ROBO2: variants seen among roughly 807,000 people sequenced by gnomAD.
ROBO2 encodes roundabout guidance receptor 2.
A neutral mutation model predicts 160.8 loss-of-function variants in ROBO2; 53 were observed. The observed-to-expected ratio is 0.33, with a 90% CI of 0.26 to 0.41. The LOEUF (loss-of-function observed/expected upper bound fraction) is 0.41, where lower values mean the gene tolerates loss of function less well. Among genes scored for constraint, ROBO2 ranks in the 10% least tolerant of loss-of-function variants. The pLI, the probability that ROBO2 is intolerant of heterozygous loss-of-function variation, is 1.00. For synonymous variants in ROBO2, 664 were observed against 611.7 expected (o/e 1.09, Z -1.26); for missense variants, 1,577 against 1,722.4 (o/e 0.92, Z 1.49).
At chr3:76,027,968 C>A (rs187764157) in intron 2 of ROBO2, among the ~76,000 whole-genome samples, 1 of 151,864 alleles carries the variant, frequency 6.6e-6, no homozygotes, top group Admixed American at 6.6e-5. Context: ...TCAATCAAAG[C>A]CAAGGAGCCA....
intron 2 of ROBO2, among the ~76,000 whole-genome samples, chr3:76,414,871 ACAAGCTTGGCACAATTT>A (rs1210765447): frequency 6.6e-6 from 1 of 152,124 alleles, no homozygotes; most frequent in East Asian, 1.9e-4. Flanking sequence ...TGATTGACAC[ACAAGCTTGGCACAATTT>A]CACTGTCTCT....
chr3:77,121,131 GA>G (rs1171727845), intron 2 of ROBO2, among the ~76,000 whole-genome samples: 7 of 151,900 alleles, frequency 4.6e-5, no homozygotes, highest in Admixed American at 4.6e-4. Flanking sequence ...TTTTAGTAGA[GA>G]CGGGGTTTCA....
At chr3:77,087,597 T>C (rs1020963272) in intron 1 of ROBO2, among the ~76,000 whole-genome samples, 4 of 152,222 alleles carry the variant, frequency 2.6e-5, no homozygotes, top group African/African-American at 9.6e-5. Context: ...GAGTAATTTG[T>C]TATTAAGAGG....
intron 2 of ROBO2, among the ~76,000 whole-genome samples, chr3:77,001,285 G>C (rs1173606509): frequency 6.6e-6 from 1 of 152,096 alleles, no homozygotes; most frequent in Non-Finnish European, 1.5e-5. Context: ...CAGAGTTTTG[G>C]CTGCAAAACC....
chr3:75,916,574 T>TTA lies in ROBO2; in HGVS notation c.-14+9617_-14+9618dup, dbSNP rs1290551233. ...ATTTTTGATAAGTGTACACATATAT[T>TTA]TATAACTGACCTTTCTTTGTCAAGT... is the stretch of plus-strand genomic sequence containing the variant. On this transcript the variant is annotated intron_variant, in intron 1 of 26. Transcript: ENST00000487694. Among the ~76,000 whole-genome samples, 10 of 152,280 alleles carry TTA rather than the reference T, an allele frequency of 6.6e-5. No homozygotes were observed. In the East Asian group the frequency reaches 1.9e-3, roughly 29 times the overall value.
intron 2 of ROBO2, among the ~76,000 whole-genome samples, chr3:76,223,487 C>T (rs923526497): frequency 1.3e-5 from 2 of 152,024 alleles, no homozygotes; most frequent in East Asian, 2.0e-4. Flanking sequence ...CTTCCACTGG[C>T]GAAGAAGACT....
intron 2 of ROBO2, among the ~76,000 whole-genome samples, chr3:76,478,818 GCCT>G (rs2079068874): frequency 6.6e-6 from 1 of 151,680 alleles, no homozygotes; most frequent in East Asian, 1.9e-4. Flanking sequence ...GGGACTACAG[GCCT>G]GTCACCTCAT....
At chr3:77,299,818 C>T (rs2153410854) in intron 2 of ROBO2, among the ~76,000 whole-genome samples, 1 of 151,980 alleles carries the variant, frequency 6.6e-6, no homozygotes, top group East Asian at 1.9e-4. Context: ...CAGAGAGGGA[C>T]GATAGAGTGG....
chr3:77,384,183 C>G (rs2073861559), intron 2 of ROBO2, among the ~76,000 whole-genome samples: 1 of 152,050 alleles, frequency 6.6e-6, no homozygotes, highest in Non-Finnish European at 1.5e-5. Context: ...TCAATTATTT[C>G]CCAGAATGCT....
intron 2 of ROBO2, among the ~76,000 whole-genome samples, chr3:76,096,886 A>G (rs2069473674): frequency 6.6e-6 from 1 of 152,202 alleles, no homozygotes; most frequent in East Asian, 1.9e-4. Flanking sequence ...TGTAATGCTT[A>G]TAGTCTAGTG....
intron 2 of ROBO2, among the ~76,000 whole-genome samples, chr3:77,454,423 C>T (rs11127596): frequency 0.2 from 29,851 of 151,958 alleles, 3,694 homozygotes; most frequent in Middle Eastern, 0.28. Flanking sequence ...CATTTGCAAT[C>T]AAAACTCTCT....
chr3:76,573,028 G>T (rs1560172136), intron 2 of ROBO2, among the ~76,000 whole-genome samples: 1 of 152,076 alleles, frequency 6.6e-6, no homozygotes, highest in East Asian at 1.9e-4. Context: ...AACAAAAAAT[G>T]TTGGTTTTTG....
chr3:76,123,783 C>T (rs970804086), intron 2 of ROBO2, among the ~76,000 whole-genome samples: 5 of 152,074 alleles, frequency 3.3e-5, no homozygotes, highest in African/African-American at 9.7e-5. Flanking sequence ...GTATTAGCTT[C>T]GTCTTACACC....
At chr3:77,144,071 T>C (rs1163606763) in intron 2 of ROBO2, among the ~76,000 whole-genome samples, 2 of 152,186 alleles carry the variant, frequency 1.3e-5, no homozygotes, top group Non-Finnish European at 1.5e-5. Flanking sequence ...TTAGACAACC[T>C]TTCCTTTTGT....
At position 76,206,508 on chromosome 3, in the gene ROBO2, C is replaced by G. The variant is rs143754843; in HGVS notation, c.109+268906C>G. Among the ~76,000 whole-genome samples, 421 of 152,002 alleles carry G rather than the reference C, an allele frequency of 2.8e-3. 7 individuals carry two copies. Among genetic ancestry groups the G allele is most frequent in the Admixed American group, 0.02 (304 of 15,094 alleles). Reference sequence around the variant, plus strand: ...TCTGGGTCCAACGTGCATATAGACACTCACATGTGTTAAAAGTTCAGAGTG... The same window carrying G: ...TCTGGGTCCAACGTGCATATAGACAGTCACATGTGTTAAAAGTTCAGAGTG... On this transcript the variant is annotated intron_variant, in intron 2 of 26. Transcript: ENST00000487694.
At chr3:76,429,471 G>A (rs73113849) in intron 2 of ROBO2, among the ~76,000 whole-genome samples, 3,263 of 152,126 alleles carry the variant, frequency 0.021, 61 homozygotes, top group Non-Finnish European at 0.037. Flanking sequence ...TTGTGAATAC[G>A]TTCTAAATTT....
chr3:76,745,564 G>C (rs915740409), intron 2 of ROBO2, among the ~76,000 whole-genome samples: 2 of 151,996 alleles, frequency 1.3e-5, no homozygotes, highest in Non-Finnish European at 2.9e-5. Flanking sequence ...AAATCCAAGT[G>C]ATCCCACCCA....
intron 2 of ROBO2, among the ~76,000 whole-genome samples, chr3:75,951,599 T>C (rs572845757): frequency 1.3e-5 from 2 of 152,166 alleles, no homozygotes; most frequent in South Asian, 4.1e-4. Flanking sequence ...TTAGCCTAAG[T>C]TAAGTTTGGG....
At chr3:77,424,379 C>A (rs1416109687) in intron 2 of ROBO2, among the ~76,000 whole-genome samples, 1 of 152,082 alleles carries the variant, frequency 6.6e-6, no homozygotes, top group Non-Finnish European at 1.5e-5. Flanking sequence ...AATGATTGTT[C>A]TGATGTCTTT....
Sources: allele counts gnomAD v4.1 joint callset (sites outside exome capture counted in the v4.1 genomes callset), GRCh38; gene constraint gnomAD v4.1.1; transcripts MANE v1.5; gene names NCBI Gene and HGNC (gene_info 2026-07-23, HGNC 2026-07-21).